Variants in SGCZ observed in about 807,000 individuals in gnomAD.
The protein encoded by SGCZ is sarcoglycan zeta.
SGCZ carries 40 observed loss-of-function variants against 41.3 expected under a neutral mutation model. That is an observed-to-expected ratio of 0.97 (90% CI 0.75 to 1.26). The LOEUF (loss-of-function observed/expected upper bound fraction) is 1.26, where lower values mean the gene tolerates loss of function less well. SGCZ is among the 50% of genes most tolerant of loss of function. The probability of loss-of-function intolerance (pLI) is 0.00; values close to 1 mark genes in which losing one functional copy is unlikely to be tolerated. For synonymous variants in SGCZ, 206 were observed against 137.5 expected (o/e 1.50, Z -3.49); for missense variants, 552 against 369.8 (o/e 1.49, Z -4.04).
chr8:14,506,193 A>T (rs1585607026), intron 2 of SGCZ, among the ~76,000 whole-genome samples: 1 of 150,944 alleles, frequency 6.6e-6, no homozygotes, highest in Non-Finnish European at 1.5e-5. Context: ...ACAAACAAAC[A>T]AACAAACAGA....
At chr8:14,229,836 C>G (rs901991137) in intron 4 of SGCZ, among the ~76,000 whole-genome samples, 1 of 151,978 alleles carries the variant, frequency 6.6e-6, no homozygotes, top group African/African-American at 2.4e-5. Flanking sequence ...TATTATAAAA[C>G]CCTCATCTAC....
chr8:14,986,888 A>G (rs1165536490), intron 1 of SGCZ, among the ~76,000 whole-genome samples: 2 of 151,994 alleles, frequency 1.3e-5, no homozygotes, highest in African/African-American at 4.8e-5. Flanking sequence ...TTTTGTTATA[A>G]ATACTCAGTA....
At chr8:14,353,346 C>T (rs778916236) in intron 2 of SGCZ, among the ~76,000 whole-genome samples, 2 of 152,084 alleles carry the variant, frequency 1.3e-5, no homozygotes, top group African/African-American at 4.8e-5. Flanking sequence ...TGGCCCTCTT[C>T]TCTATGAATT....
At chr8:14,913,980 T>TA (rs139561902) in intron 1 of SGCZ, among the ~76,000 whole-genome samples, 2,873 of 151,096 alleles carry the variant, frequency 0.019, 92 homozygotes, top group African/African-American at 0.065. Context: ...TGTAGCATAA[T>TA]AAAAAAAAAT....
chr8:15,164,419 A>T (rs1799595038), intron 1 of SGCZ, among the ~76,000 whole-genome samples: 1 of 151,996 alleles, frequency 6.6e-6, no homozygotes, highest in Non-Finnish European at 1.5e-5. Context: ...CAGGACTGGG[A>T]CGCATGGTCC....
chr8:14,267,512 G>C (rs887958303), intron 3 of SGCZ, among the ~76,000 whole-genome samples: 2 of 151,956 alleles, frequency 1.3e-5, no homozygotes, highest in Admixed American at 6.6e-5. Flanking sequence ...CATTTTTATT[G>C]TTTATTGTTT....
chr8:15,137,942 T>C (rs899744100), intron 1 of SGCZ, among the ~76,000 whole-genome samples: 6 of 152,092 alleles, frequency 3.9e-5, no homozygotes, highest in Admixed American at 1.3e-4. Flanking sequence ...CACTGACAGC[T>C]TGCACTGTGT....
At chr8:14,937,258 A>G in intron 1 of SGCZ, among the ~76,000 whole-genome samples, 1 of 146,718 alleles carries the variant, frequency 6.8e-6, no homozygotes, top group South Asian at 2.2e-4. Context: ...TTATTTTAAA[A>G]ATGTTGCATT....
intron 1 of SGCZ, among the ~76,000 whole-genome samples, chr8:14,862,275 A>T (rs1160517975): frequency 6.6e-6 from 1 of 151,886 alleles, no homozygotes; most frequent in Non-Finnish European, 1.5e-5. Context: ...ACTTCTGAGC[A>T]TACTGCACCA....
chr8:14,764,540 C>T (rs1292062660), intron 1 of SGCZ, among the ~76,000 whole-genome samples: 5 of 152,160 alleles, frequency 3.3e-5, no homozygotes, highest in African/African-American at 9.6e-5. Flanking sequence ...TAGATCTACA[C>T]CTGCAGAAAC....
intron 3 of SGCZ, among the ~76,000 whole-genome samples, chr8:14,276,261 T>A (rs1363056291): frequency 1.3e-5 from 2 of 152,188 alleles, no homozygotes; most frequent in Non-Finnish European, 1.5e-5. Context: ...TGTATTTACT[T>A]GAGCCTCAAC....
At chr8:14,321,675 A>AT (rs1219631218) in intron 3 of SGCZ, among the ~76,000 whole-genome samples, 1 of 151,866 alleles carries the variant, frequency 6.6e-6, no homozygotes. Flanking sequence ...TCTACCCAGC[A>AT]TTTTTTTTCT....
intron 4 of SGCZ, among the ~76,000 whole-genome samples, chr8:14,183,183 G>C (rs1804786334): frequency 6.6e-6 from 1 of 151,996 alleles, no homozygotes; most frequent in Admixed American, 6.6e-5. Flanking sequence ...GTTGACATGA[G>C]TAGATGCCTA....
chr8:14,975,809 A>ATATATG (rs1181919961), intron 1 of SGCZ, among the ~76,000 whole-genome samples: 31 of 131,896 alleles, frequency 2.4e-4, no homozygotes, highest in South Asian at 1.6e-3. Flanking sequence ...ATATATATAT[A>ATATATG]TGTGTGTGTG....
At chr8:15,141,757 C>T (rs1808328915) in intron 1 of SGCZ, among the ~76,000 whole-genome samples, 1 of 152,162 alleles carries the variant, frequency 6.6e-6, no homozygotes, top group Non-Finnish European at 1.5e-5. Flanking sequence ...CAAAAATCAA[C>T]TCGGCGTGGT....
intron 2 of SGCZ, among the ~76,000 whole-genome samples, chr8:14,522,113 C>T (rs188362908): frequency 3.9e-5 from 6 of 152,146 alleles, no homozygotes; most frequent in African/African-American, 1.2e-4. Context: ...CTGGTAGAAA[C>T]CTTAGTTGCT....
chr8:14,731,985 G>A (rs1053952468), intron 1 of SGCZ, among the ~76,000 whole-genome samples: 4 of 152,272 alleles, frequency 2.6e-5, no homozygotes, highest in African/African-American at 9.6e-5. Context: ...CACTAATGGA[G>A]TATTAAAGGA....
intron 3 of SGCZ, among the ~76,000 whole-genome samples, chr8:14,264,318 C>A (rs1215366093): frequency 1.3e-5 from 2 of 152,098 alleles, no homozygotes; most frequent in East Asian, 1.9e-4. Flanking sequence ...GCCTTGGAGA[C>A]CAGCATCGGG....
chr8:14,598,971 A>C (rs1805501343), intron 1 of SGCZ, among the ~76,000 whole-genome samples: 1 of 152,088 alleles, frequency 6.6e-6, no homozygotes, highest in Admixed American at 6.5e-5. Flanking sequence ...ATGCTCAATT[A>C]ATTTTTGATC....
Sources: allele counts gnomAD v4.1 joint callset (sites outside exome capture counted in the v4.1 genomes callset), GRCh38; gene constraint gnomAD v4.1.1; transcripts MANE v1.5; gene names NCBI Gene and HGNC (gene_info 2026-07-23, HGNC 2026-07-21).